Variants in CREB5 observed in about 807,000 individuals in gnomAD.
CREB5 encodes cyclic AMP-responsive element-binding protein 5.
Under a neutral mutation model 57.1 loss-of-function variants are expected in CREB5, and 19 were observed. The observed-to-expected ratio is 0.33, with a 90% confidence interval of 0.23 to 0.49. The LOEUF (loss-of-function observed/expected upper bound fraction) is 0.49, where lower values mean the gene tolerates loss of function less well. Ranked by LOEUF, CREB5 falls within the 20% of genes least tolerant of loss-of-function variation. The pLI, the probability that CREB5 is intolerant of heterozygous loss-of-function variation, is 0.99. For missense variants in CREB5, 579 were observed against 671.6 expected (o/e 0.86, Z 1.52); for synonymous variants, 238 against 238.3 (o/e 1.00, Z 0.01).
chr7:28,488,152 T>C (rs750473320), intron 1 of CREB5, 23 bp from the exon 2 acceptor site: 20 of 1,610,690 alleles, frequency 1.2e-5, no homozygotes, highest in Non-Finnish European at 1.5e-5. Context: ...TTTTCCTTCC[T>C]CCCTTTCCCT....
intron 5 of CREB5, among the ~76,000 whole-genome samples, chr7:28,612,543 GGT>G (rs59074697): frequency 0.071 from 9,698 of 137,186 alleles, 297 homozygotes; most frequent in Non-Finnish European, 0.078. Context: ...TTAGAGAAGG[GGT>G]GTGTGTGTGT....
chr7:28,541,622 ACACCATG>A (rs1794215066), intron 4 of CREB5, among the ~76,000 whole-genome samples: 1 of 152,194 alleles, frequency 6.6e-6, no homozygotes, highest in African/African-American at 2.4e-5. Flanking sequence ...AGCCAAGATC[ACACCATG>A]CACTCCAGCA....
At chr7:28,457,604 G>A (rs1211157042) in intron 1 of CREB5, among the ~76,000 whole-genome samples, 1 of 152,210 alleles carries the variant, frequency 6.6e-6, no homozygotes, top group Non-Finnish European at 1.5e-5. Context: ...TGGATTTTAT[G>A]TTGATGTGCT....
intron 1 of CREB5, among the ~76,000 whole-genome samples, chr7:28,333,374 G>A (rs1785751987): frequency 1.3e-5 from 2 of 152,190 alleles, no homozygotes; most frequent in South Asian, 2.1e-4. Flanking sequence ...ATCAACTCAA[G>A]CATTTATCCT....
intron 5 of CREB5, among the ~76,000 whole-genome samples, chr7:28,703,269 C>T (rs551487532): frequency 5.3e-5 from 8 of 152,250 alleles, no homozygotes; most frequent in Non-Finnish European, 1.0e-4. Flanking sequence ...CAAGTGGATA[C>T]ACTCCAGGTC....
At chr7:28,724,604 T>C (rs534098528) in intron 7 of CREB5, 294 of 367,860 alleles carry the variant, frequency 8.0e-4, no homozygotes, top group Non-Finnish European at 1.2e-3. Context: ...GGGTAGGATA[T>C]ACCCAAGCGT....
intron 5 of CREB5, among the ~76,000 whole-genome samples, chr7:28,612,637 G>T (rs1056667583): frequency 5.9e-5 from 9 of 151,266 alleles, no homozygotes; most frequent in African/African-American, 2.2e-4. Flanking sequence ...ACCACAGAAA[G>T]TAGGGGTTTC....
chr7:28,365,635 C>G (rs1037461538), intron 1 of CREB5, among the ~76,000 whole-genome samples: 1 of 152,188 alleles, frequency 6.6e-6, no homozygotes, highest in Non-Finnish European at 1.5e-5. Context: ...CTCCCATTCT[C>G]TCTTCAACAG....
At chr7:28,537,811 C>T (rs1794025101) in intron 4 of CREB5, among the ~76,000 whole-genome samples, 1 of 152,136 alleles carries the variant, frequency 6.6e-6, no homozygotes, top group Non-Finnish European at 1.5e-5. Flanking sequence ...TTTTTGGCAT[C>T]CATTCTTTGT....
At chr7:28,739,727 A>G (rs766421363) in intron 7 of CREB5, among the ~76,000 whole-genome samples, 36 of 152,202 alleles carry the variant, frequency 2.4e-4, no homozygotes, top group African/African-American at 7.5e-4. Flanking sequence ...GCTAGGCTTC[A>G]TTCTTCCTGA....
chr7:28,641,511 C>G (rs1158258731), intron 5 of CREB5, among the ~76,000 whole-genome samples: 6 of 152,132 alleles, frequency 3.9e-5, no homozygotes, highest in Non-Finnish European at 8.8e-5. Flanking sequence ...CTCCTGACTT[C>G]CAGGGTATAC....
At chr7:28,790,954 T>C (rs930307575) in intron 7 of CREB5, among the ~76,000 whole-genome samples, 4 of 152,242 alleles carry the variant, frequency 2.6e-5, no homozygotes, top group Non-Finnish European at 5.9e-5. Context: ...TAACCACTTA[T>C]GGTTTGAAAA....
intron 8 of CREB5, among the ~76,000 whole-genome samples, chr7:28,806,690 A>C (rs1808750352): frequency 1.3e-5 from 2 of 152,190 alleles, no homozygotes; most frequent in African/African-American, 4.8e-5. Flanking sequence ...TGCTGGTTTC[A>C]AGGAATTTCT....
intron 5 of CREB5, among the ~76,000 whole-genome samples, chr7:28,588,218 G>C (rs1796369614): frequency 6.6e-6 from 1 of 152,152 alleles, no homozygotes; most frequent in Non-Finnish European, 1.5e-5. Flanking sequence ...ACTGTTTCTG[G>C]TGACTTGAAT....
intron 1 of CREB5, among the ~76,000 whole-genome samples, chr7:28,304,303 G>C (rs1031675402): frequency 1.7e-4 from 26 of 152,308 alleles, no homozygotes; most frequent in African/African-American, 5.8e-4. Context: ...ATTTGGCTCT[G>C]TCTCAATCAT....
chr7:28,374,410 A>C (rs928886205), intron 1 of CREB5, among the ~76,000 whole-genome samples: 1 of 152,242 alleles, frequency 6.6e-6, no homozygotes, highest in African/African-American at 2.4e-5. Context: ...GGTATAATTA[A>C]TAATAGCCCC....
intron 7 of CREB5, among the ~76,000 whole-genome samples, chr7:28,737,538 C>CATATAT (rs1804057239): frequency 8.3e-5 from 4 of 47,916 alleles, no homozygotes; most frequent in South Asian, 6.9e-4. Flanking sequence ...TATATATATA[C>CATATAT]GTATATATAT....
At chr7:28,462,484 T>C (rs781085173) in intron 1 of CREB5, among the ~76,000 whole-genome samples, 2 of 152,172 alleles carry the variant, frequency 1.3e-5, no homozygotes, top group Admixed American at 6.5e-5. Context: ...GTTTAACATT[T>C]TGAAGAACTA....
In CREB5 at chr7:28,585,969, A is replaced by G. The variant is rs531835929; in HGVS notation, c.464+15432A>G. Among the ~76,000 whole-genome samples, 16 of 152,286 alleles carry G rather than the reference A, an allele frequency of 1.1e-4. No homozygotes were observed. The Middle Eastern group carries it at 0.014, about 129-fold the overall frequency. ...TAATAAAGGGCCCCTTTGGCTGCAT[A>G]ACCTCCCTATTTGTTTGAATTCTCC... On this transcript the variant is annotated intron_variant, in intron 5 of 10. Transcript: ENST00000357727.
Sources: allele counts gnomAD v4.1 joint callset (sites outside exome capture counted in the v4.1 genomes callset), GRCh38; gene constraint gnomAD v4.1.1; transcripts MANE v1.5; gene names NCBI Gene and HGNC (gene_info 2026-07-23, HGNC 2026-07-21).